The following ZNF681 variants were observed in gnomAD, a reference collection of about 807,000 sequenced individuals.
ZNF681 encodes the protein zinc finger protein 681, also known as hypothetical protein FLJ31526.
Under a neutral mutation model 56.0 loss-of-function variants are expected in ZNF681, and 37 were observed. The ratio of observed to expected loss-of-function variants is 0.66; its 90% CI spans 0.51 to 0.87. The LOEUF (loss-of-function observed/expected upper bound fraction) is 0.87. ZNF681 is among the 40% of genes least tolerant of loss of function. ZNF681 has a pLI of 0.00. For missense variants in ZNF681, 741 were observed against 744.9 expected, an observed-to-expected ratio of 0.99 and a Z score of 0.06; for synonymous variants, 225 against 248.6, an observed-to-expected ratio of 0.91 and a Z score of 0.89.
intron 1 of ZNF681, among the ~76,000 whole-genome samples, chr19:23,756,329 C>CT (rs397934106): frequency 2.6e-5 from 4 of 151,966 alleles, no homozygotes; most frequent in African/African-American, 9.7e-5. Context: ...TGTCCCCCCC[C>CT]AAAAAAAGAC....
intron 1 of ZNF681, among the ~76,000 whole-genome samples, chr19:23,756,328 C>CG (rs762338731): frequency 4.6e-5 from 7 of 150,602 alleles, no homozygotes; most frequent in Non-Finnish European, 7.4e-5. Context: ...CTGTCCCCCC[C>CG]CAAAAAAAGA....
At chr19:23,757,802 T>C (rs1048855311) in intron 1 of ZNF681, among the ~76,000 whole-genome samples, 1 of 152,048 alleles carries the variant, frequency 6.6e-6, no homozygotes, top group African/African-American at 2.4e-5. Flanking sequence ...TAGAATTCTG[T>C]TCTCTATGCC....
In ZNF681 at chr19:23,744,701, T is replaced by C. The variant is rs1435505210; in HGVS notation, c.849A>G (p.Lys283=). 1.3e-6 allele frequency: 2 copies of C among 1,596,556 alleles called. No individual in the cohort carries two copies. Among genetic ancestry groups the C allele is most frequent in the South Asian group, 1.1e-5 (1 of 90,084 alleles). Residue 283 remains lysine, a synonymous_variant, in exon 4 of 4, where the codon AAA becomes AAG. Coordinates refer to ENST00000402377, the MANE Select transcript of ZNF681 (RefSeq NM_138286.3). ...TAAAGGCTTTGTCACATTCTTCACG[T>C]TTGTAGGGATTCTCTCCAGTATGAA... ...TIIHTGENPY[K]REECDKAFNQ...
chr19:23,743,529 T>TAA lies in ZNF681; in HGVS notation c.*82_*83insTT. On this transcript the variant is annotated 3_prime_UTR_variant, in exon 4 of 4. Coordinates refer to ENST00000402377, the MANE Select transcript of ZNF681 (RefSeq NM_138286.3). ...AAAGTTTTGCCACATTCTTCACACTTGTAGGTTTTTTTTTAGTATGAATTA... is the reference window on the plus strand; with the variant it reads ...AAAGTTTTGCCACATTCTTCACACTTAAGTAGGTTTTTTTTTAGTATGAATTA... 1 of 1,278,986 alleles carries TAA rather than the reference T, an allele frequency of 7.8e-7. No individual in the cohort carries two copies. Among genetic ancestry groups the TAA allele is most frequent in the African/African-American group, 1.5e-5 (1 of 66,004 alleles). 79.2% of individuals were successfully genotyped at this position (1,278,986 alleles called of 1,614,324 possible). A position where few individuals can be genotyped will look rare whatever the true frequency, so the allele number is the denominator to read the frequency against.
Position 23,739,215 on chromosome 19 carries a change from AT to A in ZNF681, c.*4396del, listed in dbSNP as rs1221241707. 6.6e-6 allele frequency: 1 copy of A among 152,016 alleles called. No homozygotes were observed. The highest frequency in any genetic ancestry group is 1.5e-5 in the Non-Finnish European group (1 of 67,976). 9.4% of individuals were successfully genotyped at this position (152,016 alleles called of 1,614,324 possible). A position where few individuals can be genotyped will look rare whatever the true frequency, so the allele number is the denominator to read the frequency against. On this transcript the variant is annotated 3_prime_UTR_variant, in exon 4 of 4. Coordinates refer to ENST00000402377, the MANE Select transcript of ZNF681 (RefSeq NM_138286.3). ...TACTATTCATCTTTAAAATAAAAAA[AT>A]TTATTATTTTCAATTACATAGATTA...
In ZNF681 at chr19:23,741,249, T is replaced by C. The variant is rs1409042611; in HGVS notation, c.*2363A>G. 6.6e-6 allele frequency: 1 copy of C among 152,168 alleles called. No individual in the cohort carries two copies. Among genetic ancestry groups the C allele is most frequent in the Non-Finnish European group, 1.5e-5 (1 of 68,034 alleles). 9.4% of individuals were successfully genotyped at this position (152,168 alleles called of 1,614,324 possible). On this transcript the variant is annotated 3_prime_UTR_variant, in exon 4 of 4. Coordinates refer to ENST00000402377, the MANE Select transcript of ZNF681 (RefSeq NM_138286.3). ...TATTTAACTCTGTGTAAATCAAAAC[T>C]AATAGTCTGTATGTGCTTGCAGGCA...
At chr19:23,757,710 G>C (rs547480126) in intron 1 of ZNF681, among the ~76,000 whole-genome samples, 52 of 152,214 alleles carry the variant, frequency 3.4e-4, no homozygotes, top group Middle Eastern at 3.4e-3. Flanking sequence ...TATGAGGCAA[G>C]ACTTAAGGGT....
At position 23,745,277 on chromosome 19, in the gene ZNF681, T is replaced by C. The variant is rs1968928798; in HGVS notation, c.273A>G (p.Ile91Met). 1 of 1,598,872 alleles carries C rather than the reference T, an allele frequency of 6.3e-7. No individual in the cohort carries two copies. The highest frequency in any genetic ancestry group is 8.5e-7 in the Non-Finnish European group (1 of 1,175,632). The change falls in exon 4 of 4, where the codon ATA (isoleucine) becomes ATG (methionine). Residue 91 changes from isoleucine (I) to methionine (M), a missense_variant. By Grantham distance (10) the Ile-to-Met change is conservative (BLOSUM62 1). Transcript: ENST00000402377. ...FAQDFSPEQNIKDSFQKVTPR... is the reference protein window; with the variant it reads ...FAQDFSPEQNMKDSFQKVTPR... Reference sequence around the variant, plus strand: ...GTGTCACTTTTTGGAAAGAATCTTTTATGTTCTGCTCTGGTGAAAAGTCTT... The same window carrying C: ...GTGTCACTTTTTGGAAAGAATCTTTCATGTTCTGCTCTGGTGAAAAGTCTT...
Position 23,745,193 on chromosome 19 carries a change from C to G in ZNF681, c.357G>C (p.Glu119Asp), listed in dbSNP as rs766381947. 6.2e-7 allele frequency: 1 copy of G among 1,613,084 alleles called. No homozygotes were observed. The highest frequency in any genetic ancestry group is 1.7e-5 in the Admixed American group (1 of 59,868). ...TATAACCTCCTTTTTGCACTTTGCA[C>G]TCATCCACACTTTTACTTAACTGTA... ...ENLQLSKSVD[E>D]CKVQKGGYNG... Residue 119 changes from glutamate to aspartate, a missense_variant, in exon 4 of 4, where the codon GAG becomes GAC. By Grantham distance (45) the Glu-to-Asp change is conservative. Transcript: ENST00000402377.
intron 1 of ZNF681, 98 bp from the exon 2 acceptor site, chr19:23,755,649 T>A: frequency 7.6e-7 from 1 of 1,312,334 alleles, no homozygotes; most frequent in Non-Finnish European, 1.0e-6. Context: ...TGATTCAAGG[T>A]AAAATAAGAA....
chr19:23,744,983 TTTATG>T lies in ZNF681; in HGVS notation c.562_566del (p.His188AsnfsTer5), dbSNP rs1392107489. Reference sequence around the variant, plus strand: ...AGAAATTTACTCTAGTACAAATTATTTTATGTTGAGTTAGGTTTGAAAATATGCAA... The same window carrying T: ...AGAAATTTACTCTAGTACAAATTATTTTGAGTTAGGTTTGAAAATATGCAA... On this transcript the variant is annotated frameshift_variant, in exon 4 of 4. Coordinates refer to ENST00000402377, the MANE Select transcript of ZNF681 (RefSeq NM_138286.3). LOFTEE classifies it high-confidence loss of function. The T allele has an allele frequency of 1.1e-5, 17 of 1,600,198 alleles. No individual in the cohort carries two copies. Among genetic ancestry groups the T allele is most frequent in the Non-Finnish European group, 1.4e-5 (17 of 1,173,732 alleles).
At chr19:23,746,406 G>A (rs1329756660) in intron 3 of ZNF681, among the ~76,000 whole-genome samples, 1 of 152,164 alleles carries the variant, frequency 6.6e-6, no homozygotes, top group Non-Finnish European at 1.5e-5. Flanking sequence ...TCGACTTCTG[G>A]TGAGGGTCTC....
rs1278694052 is a variant in ZNF681, at chr19:23,742,602, A to C, written c.*1010T>G. ...ACCTCATGCATCAGTCAATATTATA[A>C]ATTAACCAGAAAGAGCCTCTCCACT... is the stretch of plus-strand genomic sequence containing the variant. On this transcript the variant is annotated 3_prime_UTR_variant, in exon 4 of 4. Transcript: ENST00000402377. 1 of 152,140 alleles carries C rather than the reference A, an allele frequency of 6.6e-6. No homozygotes were observed. Among genetic ancestry groups the C allele is most frequent in the Non-Finnish European group, 1.5e-5 (1 of 68,028 alleles). The allele number at this position is 152,140 out of a possible 1,614,324, so 9.4% of individuals were successfully genotyped here.
Position 23,743,906 on chromosome 19 carries a change from A to T in ZNF681, c.1644T>A (p.His548Gln), listed in dbSNP as rs1852433. The change falls in exon 4 of 4, where the codon CAT becomes CAA. Residue 548 changes from histidine to glutamine, a missense_variant. Transcript: ENST00000402377. ...ECGKAFNHSS[H>Q]LATHKVIHTG... ...TATGAATTACCTTATGTGTAGCAAGATGTGAGGAATGGTTAAAGGCTTTGC... is the reference window on the plus strand; with the variant it reads ...TATGAATTACCTTATGTGTAGCAAGTTGTGAGGAATGGTTAAAGGCTTTGC... 1 of 1,612,960 alleles carries T rather than the reference A, an allele frequency of 6.2e-7. No individual in the cohort carries two copies. Among genetic ancestry groups the T allele is most frequent in the East Asian group, 2.2e-5 (1 of 44,832 alleles).
rs1011784404 is a variant in ZNF681 at position 23,755,405 on chromosome 19, T to C, written c.130+20A>G. On this transcript the variant is annotated intron_variant, in intron 2 of 3. Coordinates refer to ENST00000402377, the MANE Select transcript of ZNF681 (RefSeq NM_138286.3). Reference sequence around the variant, plus strand: ...AACCTTTAGGGTATAATAGGAATTGTATATTGAAGTTATCCTCACCCAAGA... The same window carrying C: ...AACCTTTAGGGTATAATAGGAATTGCATATTGAAGTTATCCTCACCCAAGA... 19 of 1,600,542 alleles carry C rather than the reference T, an allele frequency of 1.2e-5. No individual in the cohort carries two copies. Among genetic ancestry groups the C allele is most frequent in the Non-Finnish European group, 1.5e-5 (18 of 1,175,370 alleles).
chr19:23,745,956 A>C (rs1968938905), intron 3 of ZNF681, among the ~76,000 whole-genome samples: 1 of 152,214 alleles, frequency 6.6e-6, no homozygotes, highest in African/African-American at 2.4e-5. Flanking sequence ...AATGCCTTTA[A>C]AAGTAAATTG....
In ZNF681 at chr19:23,744,861, T is replaced by C. The variant is rs1261405620; in HGVS notation, c.689A>G (p.Glu230Gly). 1 of 1,613,462 alleles carries C rather than the reference T, an allele frequency of 6.2e-7. No homozygotes were observed. Among genetic ancestry groups the C allele is most frequent in the Non-Finnish European group, 8.5e-7 (1 of 1,179,732 alleles). ...GAACTGGTTACAGGCTTTGCCACAT[T>C]CTTCACATATGTACGATTTCTCTCC... ...HIGEKSYICE[E>G]CGKACNQFTN... Residue 230 changes from glutamate to glycine, a missense_variant, in exon 4 of 4, where the codon GAA (glutamate) becomes GGA (glycine). Coordinates refer to ENST00000402377, the MANE Select transcript of ZNF681 (RefSeq NM_138286.3).
intron 3 of ZNF681, among the ~76,000 whole-genome samples, chr19:23,746,560 G>A (rs1490930521): frequency 6.6e-6 from 1 of 152,068 alleles, no homozygotes; most frequent in African/African-American, 2.4e-5. Flanking sequence ...TTAACAGAGG[G>A]TAAAGTTTTT....
Position 23,743,691 on chromosome 19 carries a change from G to A in ZNF681, c.1859C>T (p.Pro620Leu), listed in dbSNP as rs749300545. Residue 620 changes from proline (P) to leucine (L), a missense_variant, in exon 4 of 4, where the codon CCT becomes CTT. Coordinates refer to ENST00000402377, the MANE Select transcript of ZNF681 (RefSeq NM_138286.3). ...TTCAAAATCACTGTTACATCTTTTA[G>A]GTTTGTAGAGTTTCTCACCAGTATG... The part of the protein sequence containing the change: ...KIHTGEKLYK[P>L]KRCNSDFENT... 6.9e-6 allele frequency: 11 copies of A among 1,605,764 alleles called. No individual in the cohort carries two copies. The African/African-American group carries it at 1.3e-4, about 20-fold the overall frequency.
Sources: allele counts gnomAD v4.1 joint callset (sites outside exome capture counted in the v4.1 genomes callset), GRCh38; gene constraint gnomAD v4.1.1; transcripts MANE v1.5; gene names NCBI Gene and HGNC (gene_info 2026-07-23, HGNC 2026-07-21).